Variants in LRRD1 observed in about 807,000 individuals in gnomAD.
LRRD1 encodes leucine rich repeats and death domain containing 1.
A neutral mutation model predicts 69.5 loss-of-function variants in LRRD1; 49 were observed. That is an observed-to-expected ratio of 0.70 (90% CI 0.56 to 0.89). The LOEUF (loss-of-function observed/expected upper bound fraction) is 0.89. Ranked by LOEUF, LRRD1 falls within the 40% of genes least tolerant of loss-of-function variation. The pLI, the probability that LRRD1 is intolerant of heterozygous loss-of-function variation, is 0.00. For synonymous variants in LRRD1, 303 were observed against 338.9 expected (o/e 0.89, Z 1.16); for missense variants, 853 against 956.0 (o/e 0.89, Z 1.42).
At position 92,171,903 on chromosome 7, in the gene LRRD1, G is replaced by T. The variant is rs566997985; in HGVS notation, c.-74-6627C>A. Among the ~76,000 whole-genome samples, 61 of 152,296 alleles carry T rather than the reference G, an allele frequency of 4.0e-4. No homozygotes were observed. In the South Asian group the frequency reaches 7.5e-3, roughly 19 times the overall value. Reference sequence around the variant, plus strand: ...ATAAACATGATACATCACATTAATAGAACCAATAACAAAAGTTATATCATC... The same window carrying T: ...ATAAACATGATACATCACATTAATATAACCAATAACAAAAGTTATATCATC... On this transcript the variant is annotated intron_variant, in intron 1 of 5. Coordinates refer to ENST00000458448, the MANE Select transcript of LRRD1 (RefSeq NM_001161528.2).
chr7:92,158,143 A>T (rs761914734), intron 3 of LRRD1, among the ~76,000 whole-genome samples: 2 of 152,070 alleles, frequency 1.3e-5, no homozygotes, highest in Non-Finnish European at 2.9e-5. Context: ...GGTCTGTGTG[A>T]TCAATAGAAT....
At chr7:92,157,755 T>A (rs1788698788) in intron 3 of LRRD1, among the ~76,000 whole-genome samples, 1 of 151,416 alleles carries the variant, frequency 6.6e-6, no homozygotes, top group African/African-American at 2.4e-5. Flanking sequence ...TTTTTTTTTT[T>A]AAGTAGAGCC....
chr7:92,146,097 A>G lies in LRRD1; in HGVS notation c.2382T>C (p.Asp794=). 1 of 1,523,968 alleles carries G rather than the reference A, an allele frequency of 6.6e-7. No homozygotes were observed. The highest frequency in any genetic ancestry group is 8.8e-7 in the Non-Finnish European group (1 of 1,133,728). The allele number at this position is 1,523,968 out of a possible 1,614,324, so 94.4% of individuals were successfully genotyped here. The change falls in exon 5 of 6, where the codon GAT becomes GAC. Residue 794 remains aspartate, a synonymous_variant. Transcript: ENST00000458448. ...QKLNLANSET[D]MPTKSTVSLS... is the part of the protein sequence containing the mutation. ...TTTATACATACCTCTTTGTAGGCAT[A>G]TCAGTTTCTGAGTTTGCCAGGTTTA...
At position 92,168,336 on chromosome 7, in the gene LRRD1, C is replaced by G. The variant is rs370052494; in HGVS notation, c.-74-3060G>C. The stretch of plus-strand genomic sequence containing the variant: ...TCCCTGCCTCAACCCATGGGAAGTA[C>G]TGGGAGTGCCTATAGGAAGAAATAT... On this transcript the variant is annotated intron_variant, in intron 1 of 5. Transcript: ENST00000458448. Among the ~76,000 whole-genome samples, 62 of 152,260 alleles carry G rather than the reference C, an allele frequency of 4.1e-4. 1 individual carries two copies. The South Asian group carries it at 0.013, about 32-fold the overall frequency.
At position 92,144,911 on chromosome 7, in the gene LRRD1, A is replaced by G; in HGVS notation, c.2560T>C (p.Phe854Leu). 1.3e-6 allele frequency: 2 copies of G among 1,502,518 alleles called. No homozygotes were observed. The highest frequency in any genetic ancestry group is 2.7e-5 in the South Asian group (2 of 74,190). The allele number at this position is 1,502,518 out of a possible 1,614,324, so 93.1% of individuals were successfully genotyped here. A position where few individuals can be genotyped will look rare whatever the true frequency, so the allele number is the denominator to read the frequency against. ...IMDKITALNL[F>L]TRAIKF ...GGTTAGAATTTAATTGCACGCGTAA[A>G]AAGATTTAAAGCTGTTATTTTGTCC... Residue 854 changes from phenylalanine to leucine, a missense_variant, in exon 6 of 6, where the codon TTT becomes CTT. Physicochemically the swap from Phe to Leu is conservative, Grantham distance 22. Transcript: ENST00000458448.
intron 5 of LRRD1, among the ~76,000 whole-genome samples, chr7:92,145,523 T>C (rs1053665697): frequency 2.0e-5 from 3 of 146,872 alleles, no homozygotes; most frequent in Non-Finnish European, 4.5e-5. Context: ...CACTGCAAGC[T>C]CCGCCTCCCG....
intron 4 of LRRD1, 88 bp downstream of exon 4, chr7:92,150,446 C>G: frequency 8.4e-7 from 1 of 1,186,114 alleles, no homozygotes. Context: ...GCCTGGGTGT[C>G]AGAGTGAGAC....
intron 2 of LRRD1, among the ~76,000 whole-genome samples, chr7:92,162,935 C>G (rs1233157023): frequency 6.6e-6 from 1 of 152,122 alleles, no homozygotes; most frequent in Non-Finnish European, 1.5e-5. Context: ...TGTGGAATGA[C>G]TTTTGTCTTA....
Position 92,149,129 on chromosome 7 carries a change from T to G in LRRD1, c.2278+1405A>C, listed in dbSNP as rs143207682. On this transcript the variant is annotated intron_variant, in intron 4 of 5. Transcript: ENST00000458448. The stretch of plus-strand genomic sequence containing the variant: ...AGACAGCTACTGTGGCTTTTAATTT[T>G]GTATTTTAGGTTCCTTTATCAATAA... Among the ~76,000 whole-genome samples, 365 of 152,344 alleles carry G rather than the reference T, an allele frequency of 2.4e-3. 2 individuals are homozygous for G. The highest frequency in any genetic ancestry group is 4.6e-3 in the Non-Finnish European group (311 of 68,034).
At position 92,164,075 on chromosome 7, in the gene LRRD1, A is replaced by T; in HGVS notation, c.1128T>A (p.Ile376=). ...HKIENFRELR[I]LILDKNLLKN... ...TCAATAAATTTTTATCAAGTATAAG[A>T]ATCCTAAGTTCCCTGAAATTCTCAA... Residue 376 remains isoleucine, a synonymous_variant, in exon 2 of 6, where the codon ATT becomes ATA. Transcript: ENST00000458448. The T allele has an allele frequency of 6.5e-7, 1 of 1,547,050 alleles. No individual in the cohort carries two copies. The highest frequency in any genetic ancestry group is 8.7e-7 in the Non-Finnish European group (1 of 1,145,092).
At chr7:92,167,876 C>CAAAAAAAAAAAAAAAAAAAA (rs542619786) in intron 1 of LRRD1, among the ~76,000 whole-genome samples, 20 of 46,196 alleles carry the variant, frequency 4.3e-4, no homozygotes, top group African/African-American at 1.8e-3. Context: ...GACTCTGTCT[C>CAAAAAAAAAAAAAAAAAAAA]AAAAAAAAAA....
Position 92,163,434 on chromosome 7 carries a change from T to C in LRRD1, c.1769A>G (p.Gln590Arg). 1 of 1,546,398 alleles carries C rather than the reference T, an allele frequency of 6.5e-7. No homozygotes were observed. Among genetic ancestry groups the C allele is most frequent in the Non-Finnish European group, 8.7e-7 (1 of 1,145,592 alleles). Reference sequence around the variant, plus strand: ...GATGTCTGAAGAGATTTTCTGTAATTGGTTTTCCGAAAGATCAAGTACTTG... The same window carrying C: ...GATGTCTGAAGAGATTTTCTGTAATCGGTTTTCCGAAAGATCAAGTACTTG... ...NLQVLDLSENQLQKISSDICN... is the reference protein window; with the variant it reads ...NLQVLDLSENRLQKISSDICN... Residue 590 changes from glutamine (Q) to arginine (R), a missense_variant, in exon 2 of 6, where the codon CAA becomes CGA. By Grantham distance (43) the Gln-to-Arg change is conservative (BLOSUM62 1). Around this residue, in one of 3 missense-constraint regions of LRRD1, gnomAD observed 739 missense variants for 808.0 expected, o/e 0.91. Coordinates refer to ENST00000458448, the MANE Select transcript of LRRD1 (RefSeq NM_001161528.2).
At position 92,159,038 on chromosome 7, in the gene LRRD1, A is replaced by T; in HGVS notation, c.2083T>A (p.Ser695Thr). 6.5e-7 allele frequency: 1 copy of T among 1,546,758 alleles called. No individual in the cohort carries two copies. The highest frequency in any genetic ancestry group is 1.4e-5 in the African/African-American group (1 of 72,896). The change falls in exon 3 of 6, where the codon TCT becomes ACT. Residue 695 changes from serine to threonine, a missense_variant. This residue lies in a region of LRRD1 where 739 missense variants were observed against 808.0 expected (regional missense o/e 0.91). Transcript: ENST00000458448. The stretch of plus-strand genomic sequence containing the variant: ...TTTAGTTGCTGCAGATCATTTAAAG[A>T]TAGCAAAGATGGTGGAAGATAACTT... ...QISYLPPSLL[S>T]LNDLQQLNLS...
intron 3 of LRRD1, among the ~76,000 whole-genome samples, chr7:92,153,056 CTTCT>C (rs759562154): frequency 2.0e-4 from 30 of 152,004 alleles, no homozygotes; most frequent in Non-Finnish European, 4.4e-5. Context: ...TTTTCATATG[CTTCT>C]TTCTTTCTTT....
chr7:92,153,316 CA>C lies in LRRD1; in HGVS notation c.2117-2622del, dbSNP rs149847029. 2.5e-4 allele frequency among the ~76,000 whole-genome samples: 37 copies of C among 150,678 alleles called. 1 individual carries two copies. In the South Asian group the frequency reaches 2.7e-3, roughly 11 times the overall value. On this transcript the variant is annotated intron_variant, in intron 3 of 5. Coordinates refer to ENST00000458448, the MANE Select transcript of LRRD1 (RefSeq NM_001161528.2). ...CTGACCTCAAGCGATCCACCTGCCTCAGCCTCTCAAAGTGCTGGGATTATAG... is the reference window on the plus strand; with the variant it reads ...CTGACCTCAAGCGATCCACCTGCCTCGCCTCTCAAAGTGCTGGGATTATAG...
intron 1 of LRRD1, among the ~76,000 whole-genome samples, chr7:92,178,463 G>C (rs1364602582): frequency 2.0e-5 from 3 of 152,060 alleles, no homozygotes; most frequent in Non-Finnish European, 4.4e-5. Flanking sequence ...TTGAGGTCAG[G>C]AGTTCGAGAC....
intron 1 of LRRD1, among the ~76,000 whole-genome samples, chr7:92,174,927 G>A (rs1365526545): frequency 6.6e-6 from 1 of 151,840 alleles, no homozygotes; most frequent in Non-Finnish European, 1.5e-5. Context: ...AATTAGCTGG[G>A]AGTGGTGGTC....
intron 1 of LRRD1, among the ~76,000 whole-genome samples, chr7:92,168,919 CTGTTT>C (rs1405442440): frequency 6.6e-6 from 1 of 152,026 alleles, no homozygotes; most frequent in Admixed American, 6.6e-5. Flanking sequence ...AATGACAGGT[CTGTTT>C]TGTTTTGTTT....
At chr7:92,173,278 G>T (rs1789096210) in intron 1 of LRRD1, among the ~76,000 whole-genome samples, 1 of 152,162 alleles carries the variant, frequency 6.6e-6, no homozygotes, top group African/African-American at 2.4e-5. Flanking sequence ...TCAGTACATT[G>T]GTCTGGCCAA....
Sources: gnomAD v4.1 joint callset for allele counts (sites outside exome capture counted in the v4.1 genomes callset) on GRCh38, gnomAD v4.1.1 for gene constraint, gnomAD v4.1.1 regional missense constraint, MANE v1.5 for transcripts, NCBI Gene and HGNC (gene_info 2026-07-23, HGNC 2026-07-21) for gene names.